Variants in PRKN observed in about 807,000 individuals in gnomAD.
PRKN encodes the protein parkin RBR E3 ubiquitin protein ligase, also known as E3 ubiquitin-protein ligase parkin.
In PRKN, 56 loss-of-function variants were observed where a neutral mutation model predicts 59.5. The observed-to-expected ratio is 0.94, with a 90% CI of 0.76 to 1.18. The LOEUF is 1.18. Ranked by LOEUF, PRKN falls within the 50% of genes most tolerant of loss-of-function variation. The probability of loss-of-function intolerance (pLI) is 0.00; values close to 1 mark genes in which losing one functional copy is unlikely to be tolerated. For missense variants in PRKN, 657 were observed against 596.4 expected (o/e 1.10, Z -1.06); for synonymous variants, 250 against 222.1 (o/e 1.13, Z -1.12).
chr6:161,834,347 A>C (rs1319609907), intron 6 of PRKN, among the ~76,000 whole-genome samples: 1 of 152,048 alleles, frequency 6.6e-6, no homozygotes, highest in East Asian at 1.9e-4. Flanking sequence ...CTCACTCTTA[A>C]ACGGGTCAGG....
intron 6 of PRKN, among the ~76,000 whole-genome samples, chr6:161,969,201 CGT>C (rs1562426466): frequency 1.3e-5 from 2 of 151,466 alleles, no homozygotes; most frequent in African/African-American, 4.9e-5. Flanking sequence ...CTGTTATGAC[CGT>C]ATTCTTAGAG....
At chr6:162,301,559 C>A (rs191663147) in intron 2 of PRKN, among the ~76,000 whole-genome samples, 1 of 151,998 alleles carries the variant, frequency 6.6e-6, no homozygotes, top group East Asian at 1.9e-4. Context: ...AGGCCTCCTG[C>A]GTTGGTCTTC....
chr6:161,768,878 G>A (rs1431370727), intron 7 of PRKN, among the ~76,000 whole-genome samples: 1 of 152,174 alleles, frequency 6.6e-6, no homozygotes, highest in African/African-American at 2.4e-5. Context: ...TCAGTGAGAA[G>A]AGAAAAATAA....
Position 162,065,387 on chromosome 6 carries a change from T to G in PRKN, c.535-11213A>C, listed in dbSNP as rs569484824. ...AAGCCAGAAGACTCAGCAAGCCAGT[T>G]TATCCCAATTTCTTTGGTTTGCTTT... is the stretch of plus-strand genomic sequence containing the variant. On this transcript the variant is annotated intron_variant, in intron 4 of 11. Transcript: ENST00000366898. Among the ~76,000 whole-genome samples the G allele has an allele frequency of 2.0e-5, 3 of 152,246 alleles. No individual in the cohort carries two copies. The South Asian group carries it at 6.2e-4, about 32-fold the overall frequency.
chr6:161,959,770 A>C (rs1384961884), intron 6 of PRKN, among the ~76,000 whole-genome samples: 1 of 152,210 alleles, frequency 6.6e-6, no homozygotes, highest in Non-Finnish European at 1.5e-5. Flanking sequence ...TAAGTGATTT[A>C]GATTTGTGTA....
At chr6:161,954,011 G>A (rs1264725990) in intron 6 of PRKN, among the ~76,000 whole-genome samples, 1 of 152,124 alleles carries the variant, frequency 6.6e-6, no homozygotes, top group Non-Finnish European at 1.5e-5. Flanking sequence ...TGAGGACTGG[G>A]ACACTAATAG....
chr6:161,910,682 TA>T (rs1298725128), intron 6 of PRKN, among the ~76,000 whole-genome samples: 2 of 152,240 alleles, frequency 1.3e-5, no homozygotes, highest in African/African-American at 4.8e-5. Context: ...CATCATGGTA[TA>T]GAGAACTCTT....
At chr6:161,872,218 G>C (rs1271102306) in intron 6 of PRKN, among the ~76,000 whole-genome samples, 1 of 147,612 alleles carries the variant, frequency 6.8e-6, no homozygotes, top group Non-Finnish European at 1.5e-5. Context: ...GGAGGACGCA[G>C]CAGCTGAGTG....
chr6:162,641,755 G>T (rs570078282), intron 1 of PRKN, among the ~76,000 whole-genome samples: 1 of 152,132 alleles, frequency 6.6e-6, no homozygotes, highest in Non-Finnish European at 1.5e-5. Flanking sequence ...ACATAGAGAA[G>T]TCATTTTCTA....
At chr6:162,717,819 T>C (rs558478224) in intron 1 of PRKN, among the ~76,000 whole-genome samples, 67 of 152,230 alleles carry the variant, frequency 4.4e-4, no homozygotes, top group African/African-American at 1.5e-3. Flanking sequence ...TATGCTACCA[T>C]TGAAAATTTA....
intron 6 of PRKN, among the ~76,000 whole-genome samples, chr6:161,805,108 A>C (rs1791250542): frequency 6.6e-6 from 1 of 152,158 alleles, no homozygotes; most frequent in South Asian, 2.1e-4. Flanking sequence ...AAATTGAAGA[A>C]ATTTAACAGT....
intron 6 of PRKN, among the ~76,000 whole-genome samples, chr6:161,903,657 AG>A (rs1318465937): frequency 6.6e-6 from 1 of 152,186 alleles, no homozygotes; most frequent in Non-Finnish European, 1.5e-5. Flanking sequence ...TACAAAACAC[AG>A]TGCTTTGGAT....
At chr6:161,960,942 C>G (rs765127578) in intron 6 of PRKN, among the ~76,000 whole-genome samples, 3 of 152,164 alleles carry the variant, frequency 2.0e-5, no homozygotes, top group Non-Finnish European at 4.4e-5. Flanking sequence ...TAACCCTAAT[C>G]ACTATTACCT....
chr6:162,111,642 G>A (rs1780444743), intron 4 of PRKN, among the ~76,000 whole-genome samples: 1 of 151,734 alleles, frequency 6.6e-6, no homozygotes, highest in Non-Finnish European at 1.5e-5. Context: ...ATAAAGAAAT[G>A]GTGCATAGAG....
chr6:161,761,574 A>G (rs112495279), intron 7 of PRKN, among the ~76,000 whole-genome samples: 1 of 152,236 alleles, frequency 6.6e-6, no homozygotes, highest in African/African-American at 2.4e-5. Flanking sequence ...TTATAAAAAT[A>G]CAGAACTGTA....
intron 3 of PRKN, among the ~76,000 whole-genome samples, chr6:162,249,419 G>A (rs1779334126): frequency 6.6e-6 from 1 of 152,126 alleles, no homozygotes; most frequent in Non-Finnish European, 1.5e-5. Flanking sequence ...ACAGCGGCAC[G>A]CTAGTCCGGA....
intron 1 of PRKN, among the ~76,000 whole-genome samples, chr6:162,703,717 C>T (rs1487404701): frequency 6.6e-6 from 1 of 152,104 alleles, no homozygotes; most frequent in African/African-American, 2.4e-5. Context: ...CACAGAGGGT[C>T]GTGAGTAGAG....
At chr6:161,890,502 C>T (rs542208075) in intron 6 of PRKN, among the ~76,000 whole-genome samples, 1 of 152,312 alleles carries the variant, frequency 6.6e-6, no homozygotes, top group East Asian at 1.9e-4. Context: ...GAAAAGCTCA[C>T]TGAGTTTGGG....
chr6:161,539,885 T>C (rs1299428311), intron 9 of PRKN, among the ~76,000 whole-genome samples: 1 of 152,220 alleles, frequency 6.6e-6, no homozygotes, highest in African/African-American at 2.4e-5. Context: ...AGGACACGGA[T>C]TGACCTTACT....
Sources: allele counts gnomAD v4.1 joint callset (sites outside exome capture counted in the v4.1 genomes callset), GRCh38; gene constraint gnomAD v4.1.1; transcripts MANE v1.5; gene names NCBI Gene and HGNC (gene_info 2026-07-23, HGNC 2026-07-21).